The following CCNJL variants were observed in gnomAD, a reference collection of about 807,000 sequenced individuals.
The protein encoded by CCNJL is cyclin-J-like protein.
A neutral mutation model predicts 33.4 loss-of-function variants in CCNJL; 33 were observed. That is an observed-to-expected ratio of 0.99 (90% CI 0.75 to 1.32). The LOEUF is 1.32. Ranked by LOEUF, CCNJL falls within the 40% of genes most tolerant of loss-of-function variation. CCNJL has a pLI of 0.00. For missense variants in CCNJL, 512 were observed against 499.7 expected, an observed-to-expected ratio of 1.02 and a Z score of -0.23; for synonymous variants, 227 against 220.9, an observed-to-expected ratio of 1.03 and a Z score of -0.24.
At chr5:160,323,429 C>T (rs573929735) in intron 1 of CCNJL, among the ~76,000 whole-genome samples, 10 of 152,094 alleles carry the variant, frequency 6.6e-5, no homozygotes, top group Admixed American at 5.2e-4. Context: ...AATATTCTAT[C>T]GTATAGGCAA....
chr5:160,258,249 C>A lies in CCNJL; in HGVS notation c.583+1220G>T. On this transcript the variant is annotated intron_variant, in intron 4 of 5. Transcript: ENST00000257536. ...TTTTTTAAGACCGAGTCTCGCTGGT[C>A]AAAATGGCTGGCAAGAAGGCTGTTG... 4 of 670,264 alleles carry A rather than the reference C, an allele frequency of 6.0e-6. No homozygotes were observed. The South Asian group carries it at 6.3e-5, about 11-fold the overall frequency. 41.5% of individuals were successfully genotyped at this position (670,264 alleles called of 1,614,324 possible).
At chr5:160,315,929 T>C (rs1763375345), upstream of CCNJL, among the ~76,000 whole-genome samples, 1 of 152,210 alleles carries the variant, frequency 6.6e-6, no homozygotes, top group Non-Finnish European at 1.5e-5. Flanking sequence ...TATTCACTAA[T>C]ATGTACTGCC....
chr5:160,309,343 T>C (rs1279244186), intron 2 of CCNJL, among the ~76,000 whole-genome samples: 2 of 152,170 alleles, frequency 1.3e-5, no homozygotes, highest in Non-Finnish European at 2.9e-5. Context: ...TTTGACAAAC[T>C]GGGGCTCCCA....
At chr5:160,311,792 C>A in intron 2 of CCNJL, 66 bp downstream of exon 2, 1 of 1,489,884 alleles carries the variant, frequency 6.7e-7, no homozygotes, top group South Asian at 1.1e-5. Context: ...GACCTGAGAA[C>A]ACGAAGTCGA....
At chr5:160,327,532 T>A (rs980074135) in intron 1 of CCNJL, among the ~76,000 whole-genome samples, 5 of 152,202 alleles carry the variant, frequency 3.3e-5, no homozygotes, top group Admixed American at 1.3e-4. Context: ...GCGATGTAGC[T>A]GGAACCAGTT....
At chr5:160,280,503 G>T in intron 3 of CCNJL, 22 bp downstream of exon 3, 1 of 1,597,234 alleles carries the variant, frequency 6.3e-7, no homozygotes, top group Non-Finnish European at 8.6e-7. Context: ...AAGCGCGGAG[G>T]AAGACGTAGG....
At chr5:160,337,550 C>A in intron 1 of CCNJL, among the ~76,000 whole-genome samples, 1 of 152,232 alleles carries the variant, frequency 6.6e-6, no homozygotes, top group East Asian at 1.9e-4. Context: ...GAGGTCATCA[C>A]CTGCCACTCT....
intron 2 of CCNJL, among the ~76,000 whole-genome samples, chr5:160,288,788 G>A (rs1283738821): frequency 7.0e-6 from 1 of 143,366 alleles, no homozygotes; most frequent in African/African-American, 2.6e-5. Flanking sequence ...TGGACATCGT[G>A]CCACTGCACT....
intron 1 of CCNJL, among the ~76,000 whole-genome samples, chr5:160,333,253 G>A (rs1447255213): frequency 6.6e-6 from 1 of 151,912 alleles, no homozygotes; most frequent in Non-Finnish European, 1.5e-5. Context: ...CTCCCGAGTA[G>A]CTAGGACTAC....
At chr5:160,335,235 C>T (rs149633694) in intron 1 of CCNJL, among the ~76,000 whole-genome samples, 2 of 152,254 alleles carry the variant, frequency 1.3e-5, no homozygotes, top group East Asian at 3.9e-4. Flanking sequence ...TGTACTCCAG[C>T]CTGGGCAAGA....
chr5:160,258,174 T>G, intron 4 of CCNJL: 44 of 450,782 alleles, frequency 9.8e-5, no homozygotes, highest in Middle Eastern at 7.0e-4. Context: ...CTCATGCCCA[T>G]TTTAGTTTGT....
At chr5:160,254,993 C>T (rs1016358989) in intron 5 of CCNJL, 1 of 152,164 alleles carries the variant, frequency 6.6e-6, no homozygotes, top group African/African-American at 2.4e-5. Flanking sequence ...TGCAAACAGC[C>T]CGCTTCTCCC....
intron 3 of CCNJL, among the ~76,000 whole-genome samples, chr5:160,272,324 A>G (rs959129438): frequency 1.3e-5 from 2 of 152,166 alleles, no homozygotes; most frequent in Non-Finnish European, 2.9e-5. Flanking sequence ...ATGCTGGTTT[A>G]CTGGGAGGAA....
intron 3 of CCNJL, among the ~76,000 whole-genome samples, chr5:160,279,665 G>A (rs1049077553): frequency 1.3e-5 from 2 of 152,132 alleles, no homozygotes; most frequent in African/African-American, 2.4e-5. Flanking sequence ...GGTGGGCAGC[G>A]GGAGGGAGGG....
rs189782768 is a variant in CCNJL at position 160,284,048 on chromosome 5, C to T, written c.67-3310G>A. On this transcript the variant is annotated intron_variant, in intron 2 of 5. Coordinates refer to ENST00000257536, the MANE Select transcript of CCNJL (RefSeq NM_001308173.3). ...GATGGACATTTAGGTTGCTTGACTGCACGTTAAAAAAGCTAAATTTTGGCT... is the reference window on the plus strand; with the variant it reads ...GATGGACATTTAGGTTGCTTGACTGTACGTTAAAAAAGCTAAATTTTGGCT... Among the ~76,000 whole-genome samples, 349 of 152,234 alleles carry T rather than the reference C, an allele frequency of 2.3e-3. 1 individual carries two copies. The highest frequency in any genetic ancestry group is 7.2e-3 in the African/African-American group (298 of 41,526).
In CCNJL at chr5:160,303,133, TGGA is replaced by T. The variant is rs149965731; in HGVS notation, c.66+8722_66+8724del. Among the ~76,000 whole-genome samples, 934 of 152,256 alleles carry T rather than the reference TGGA, an allele frequency of 6.1e-3. 13 individuals are homozygous for T. The highest frequency in any genetic ancestry group is 0.022 in the African/African-American group (899 of 41,554). On this transcript the variant is annotated intron_variant, in intron 2 of 5. Transcript: ENST00000257536. The stretch of plus-strand genomic sequence containing the variant: ...TAGTGTCCAATAATCAGGAATTGGG[TGGA>T]GAAGAATGATATGGAAAAATGTATA...
At chr5:160,284,179 C>T (rs953848093) in intron 2 of CCNJL, among the ~76,000 whole-genome samples, 5 of 151,904 alleles carry the variant, frequency 3.3e-5, no homozygotes, top group Admixed American at 6.6e-5. Flanking sequence ...TGGCAAAACC[C>T]CATTTCCACA....
exon 1 of CCNJL, chr5:160,339,497 G>T: frequency 4.4e-6 from 2 of 452,522 alleles, no homozygotes; most frequent in South Asian, 3.1e-5. Context: ...TAATATTGTG[G>T]TTTTCTTTTA....
At chr5:160,329,219 G>C (rs879707652) in intron 1 of CCNJL, among the ~76,000 whole-genome samples, 5 of 152,144 alleles carry the variant, frequency 3.3e-5, no homozygotes, top group Non-Finnish European at 5.9e-5. Flanking sequence ...AACCAGAATG[G>C]AGTCCCTCAT....
Sources: allele counts gnomAD v4.1 joint callset (sites outside exome capture counted in the v4.1 genomes callset), GRCh38; gene constraint gnomAD v4.1.1; transcripts MANE v1.5; gene names NCBI Gene and HGNC (gene_info 2026-07-23, HGNC 2026-07-21).